Variants in OCLN observed in about 807,000 individuals in gnomAD.
The protein encoded by OCLN is phosphatase 1, regulatory subunit 115.
Under a neutral mutation model 47.9 loss-of-function variants are expected in OCLN, and 21 were observed. That is an observed-to-expected ratio of 0.44 (90% confidence interval 0.31 to 0.63). The LOEUF is 0.63. OCLN is among the 30% of genes least tolerant of loss of function. The probability of loss-of-function intolerance (pLI) is 0.08; values close to 1 mark genes in which losing one functional copy is unlikely to be tolerated. For synonymous variants in OCLN, 117 were observed against 198.4 expected, an observed-to-expected ratio of 0.59 and a Z score of 3.45; for missense variants, 360 against 571.0, an observed-to-expected ratio of 0.63 and a Z score of 3.77.
chr5:69,501,267 C>T (rs926879729), intron 1 of OCLN, among the ~76,000 whole-genome samples: 4 of 152,158 alleles, frequency 2.6e-5, no homozygotes, highest in African/African-American at 9.7e-5. Context: ...TGGACTTTTG[C>T]CTTTTTATAG....
intron 2 of OCLN, among the ~76,000 whole-genome samples, chr5:69,508,594 G>A (rs1768675838): frequency 6.6e-6 from 1 of 152,140 alleles, no homozygotes; most frequent in Non-Finnish European, 1.5e-5. Context: ...ACCCGCCTTG[G>A]CCTCCCAAAG....
intron 3 of OCLN, among the ~76,000 whole-genome samples, chr5:69,511,612 C>T (rs1561336829): frequency 6.6e-6 from 1 of 152,062 alleles, no homozygotes. Context: ...GACAGGGTCT[C>T]ACTTTGTTGC....
intron 4 of OCLN, among the ~76,000 whole-genome samples, chr5:69,533,217 C>T (rs1260890077): frequency 6.6e-6 from 1 of 151,664 alleles, no homozygotes; most frequent in African/African-American, 2.4e-5. Context: ...CTGTGGTAAG[C>T]CTTCCATGTT....
At chr5:69,505,629 AG>A (rs1768577742) in intron 2 of OCLN, among the ~76,000 whole-genome samples, 2 of 152,186 alleles carry the variant, frequency 1.3e-5, no homozygotes, top group African/African-American at 2.4e-5. Context: ...TAAAACAAGC[AG>A]TGTTGAGGGG....
At chr5:69,504,979 G>A (rs953543351) in intron 2 of OCLN, among the ~76,000 whole-genome samples, 13 of 151,876 alleles carry the variant, frequency 8.6e-5, no homozygotes, top group Non-Finnish European at 1.5e-4. Flanking sequence ...GCCAGGCCTG[G>A]TGGCTCATGC....
At chr5:69,510,129 C>T (rs1768738700) in intron 3 of OCLN, among the ~76,000 whole-genome samples, 1 of 152,216 alleles carries the variant, frequency 6.6e-6, no homozygotes, top group Non-Finnish European at 1.5e-5. Context: ...CTCCTCATTT[C>T]CCTAACCATT....
At chr5:69,508,403 C>T (rs551171727) in intron 2 of OCLN, among the ~76,000 whole-genome samples, 48 of 151,808 alleles carry the variant, frequency 3.2e-4, no homozygotes, top group African/African-American at 9.4e-4. Flanking sequence ...TGCAATGGCA[C>T]GATCTCGGCT....
At position 69,553,778 on chromosome 5, in the gene OCLN, G is replaced by A; in HGVS notation, c.*107G>A. The A allele has an allele frequency of 6.3e-7, 1 of 1,579,714 alleles. No homozygotes were observed. The highest frequency in any genetic ancestry group is 1.1e-5 in the South Asian group (1 of 88,538). ...AACCCCGGAAGCCAAACCTCTGTGA[G>A]CATCACAAAGTTTTGGTTGCTTTAA... is the stretch of plus-strand genomic sequence containing the variant. On this transcript the variant is annotated 3_prime_UTR_variant, in exon 9 of 9. Transcript: ENST00000396442.
At chr5:69,492,926 G>A (rs981315387) in intron 1 of OCLN, 26 bp downstream of exon 1, 1 of 152,444 alleles carries the variant, frequency 6.6e-6, no homozygotes, top group Non-Finnish European at 1.5e-5. Context: ...GGCGTCAGGG[G>A]CGCACGGGAG....
At chr5:69,507,639 C>T (rs981122174) in intron 2 of OCLN, among the ~76,000 whole-genome samples, 2 of 150,064 alleles carry the variant, frequency 1.3e-5, no homozygotes, top group South Asian at 2.1e-4. Flanking sequence ...GAGTTTTGCT[C>T]TTTTTGCCCA....
chr5:69,523,005 GGT>G (rs748905645), intron 4 of OCLN, among the ~76,000 whole-genome samples: 143 of 150,790 alleles, frequency 9.5e-4, no homozygotes, highest in Non-Finnish European at 1.6e-3. Flanking sequence ...TGGGATTACA[GGT>G]GTGAGCCACT....
chr5:69,495,210 C>T (rs1768256385), intron 1 of OCLN, among the ~76,000 whole-genome samples: 1 of 152,170 alleles, frequency 6.6e-6, no homozygotes, highest in African/African-American at 2.4e-5. Context: ...CATCAAATTA[C>T]TATTTATGGA....
chr5:69,525,315 AG>A (rs1769247903), intron 4 of OCLN, among the ~76,000 whole-genome samples: 1 of 151,946 alleles, frequency 6.6e-6, no homozygotes, highest in Non-Finnish European at 1.5e-5. Flanking sequence ...CATGTTAGCC[AG>A]GATGGTCTCG....
intron 2 of OCLN, among the ~76,000 whole-genome samples, chr5:69,506,562 G>A (rs1309380948): frequency 6.6e-6 from 1 of 152,166 alleles, no homozygotes; most frequent in Non-Finnish European, 1.5e-5. Flanking sequence ...GGTTGGGGCT[G>A]AAAAGTTCCA....
chr5:69,537,111 TAAAAG>T (rs1034201761), intron 5 of OCLN, among the ~76,000 whole-genome samples: 6 of 138,070 alleles, frequency 4.3e-5, no homozygotes, highest in African/African-American at 1.3e-4. Flanking sequence ...CAGCCAAAAA[TAAAAG>T]AAAAGCCAAA....
At chr5:69,521,485 A>G (rs544555328) in intron 4 of OCLN, among the ~76,000 whole-genome samples, 1 of 152,278 alleles carries the variant, frequency 6.6e-6, no homozygotes, top group Admixed American at 6.5e-5. Flanking sequence ...AAATTTTACT[A>G]GGTTAGCTGG....
chr5:69,517,857 G>T (rs2112010328), intron 4 of OCLN, among the ~76,000 whole-genome samples: 1 of 152,194 alleles, frequency 6.6e-6, no homozygotes, highest in South Asian at 2.1e-4. Context: ...TTTACCTCCA[G>T]GCAAGGCCAC....
At chr5:69,494,530 G>A (rs1398501285) in intron 1 of OCLN, among the ~76,000 whole-genome samples, 1 of 152,210 alleles carries the variant, frequency 6.6e-6, no homozygotes, top group East Asian at 1.9e-4. Flanking sequence ...GACATCTTAA[G>A]TGTGTGTGGG....
intron 4 of OCLN, among the ~76,000 whole-genome samples, chr5:69,516,756 G>A (rs1162862612): frequency 6.6e-6 from 1 of 152,086 alleles, no homozygotes; most frequent in Non-Finnish European, 1.5e-5. Flanking sequence ...TTAGTAAACT[G>A]TTTTTAGAGC....
Sources: allele counts gnomAD v4.1 joint callset (sites outside exome capture counted in the v4.1 genomes callset), GRCh38; gene constraint gnomAD v4.1.1; transcripts MANE v1.5; gene names NCBI Gene and HGNC (gene_info 2026-07-23, HGNC 2026-07-21).